NALCN: variants seen among roughly 807,000 people sequenced by gnomAD.
NALCN encodes the protein sodium leak channel, non-selective, also known as sodium leak channel NALCN.
Under a neutral mutation model 225.3 loss-of-function variants are expected in NALCN, and 111 were observed. That is an observed-to-expected ratio of 0.49 (90% CI 0.42 to 0.58). The LOEUF is 0.58. Among genes scored for constraint, NALCN ranks in the 20% least tolerant of loss-of-function variants. NALCN has a pLI of 0.00. For missense variants in NALCN, 1,378 were observed against 2,202.4 expected (o/e 0.63, Z 7.49); for synonymous variants, 764 against 769.0 (o/e 0.99, Z 0.11).
chr13:101,100,806 T>G lies in NALCN; in HGVS notation c.3140A>C (p.Asn1047Thr). Residue 1047 changes from asparagine to threonine, a missense_variant, in exon 27 of 44, where the codon AAT (asparagine) becomes ACT (threonine). Around this residue, in one of 19 missense-constraint regions of NALCN, gnomAD observed 292 missense variants for 409.5 expected, o/e 0.71. Coordinates refer to ENST00000251127, the MANE Select transcript of NALCN (RefSeq NM_052867.4). ...TACCCTTCTAATAATGTTGGGATCA[T>G]TGCACTTGGCCAGTTTTCCAGCAAA... Reference protein sequence around the residue: ...QLFAGKLAKCNDPNIIRREDC... With the variant: ...QLFAGKLAKCTDPNIIRREDC... The G allele has an allele frequency of 6.2e-7, 1 of 1,610,328 alleles. No individual in the cohort carries two copies. The highest frequency in any genetic ancestry group is 1.1e-5 in the South Asian group (1 of 90,362).
rs916537184 is a variant in NALCN, at chr13:101,104,656, A to G, written c.2637-6T>C. The G allele has an allele frequency of 6.2e-7, 1 of 1,613,770 alleles. No homozygotes were observed. The highest frequency in any genetic ancestry group is 8.5e-7 in the Non-Finnish European group (1 of 1,179,806). ...TGACCAATCCCAGCAAATCACTGCC[A>G]AAGACCAAACAAAATTGAGAAACAT... On this transcript the variant is annotated splice_polypyrimidine_tract_variant and splice_region_variant and intron_variant, in intron 23 of 43. Transcript: ENST00000251127. This position sits in a 1 kb window ranked among gnomAD's most constrained non-coding sequence, Gnocchi z 4.2.
intron 36 of NALCN, 106 bp from the exon 37 acceptor site, chr13:101,073,783 G>T: frequency 1.1e-6 from 1 of 879,950 alleles, no homozygotes; most frequent in South Asian, 1.6e-5. Flanking sequence ...AGCAAATTTG[G>T]TTGCTAAGTC....
chr13:101,159,947 T>TA (rs2038081588), intron 15 of NALCN, among the ~76,000 whole-genome samples: 3 of 149,332 alleles, frequency 2.0e-5, no homozygotes, highest in South Asian at 2.2e-4. Context: ...TTGTTATTTT[T>TA]TGTTATTTTT....
rs746170124 is a variant in NALCN at position 101,176,424 on chromosome 13, A to G, written c.1765-50T>C. 2.9e-6 allele frequency: 4 copies of G among 1,372,200 alleles called. No individual in the cohort carries two copies. The Admixed American group carries it at 8.7e-5, about 30-fold the overall frequency. The allele number at this position is 1,372,200 out of a possible 1,614,324, so 85.0% of individuals were successfully genotyped here. ...AAAAAACCCACATGCCATAAGTATC[A>G]AAATATTATATGTATAATATAGCTA... On this transcript the variant is annotated intron_variant, in intron 14 of 43. Transcript: ENST00000251127.
intron 18 of NALCN, among the ~76,000 whole-genome samples, chr13:101,119,179 A>T (rs1278374303): frequency 1.3e-5 from 2 of 152,230 alleles, no homozygotes; most frequent in Non-Finnish European, 2.9e-5. Context: ...ACATAATTGC[A>T]GATTAATAAA....
intron 35 of NALCN, among the ~76,000 whole-genome samples, chr13:101,074,889 G>A (rs2033153419): frequency 6.6e-6 from 1 of 152,128 alleles, no homozygotes; most frequent in Non-Finnish European, 1.5e-5. Context: ...ACCAGGCGTT[G>A]GGCGAATTTT....
In NALCN at chr13:101,259,846, T is replaced by C. The variant is rs542165462; in HGVS notation, c.1135-1272A>G. Among the ~76,000 whole-genome samples the C allele has an allele frequency of 4.4e-4, 67 of 151,322 alleles. 2 individuals carry two copies. Among genetic ancestry groups the C allele is most frequent in the African/African-American group, 1.5e-3 (64 of 41,334 alleles). ...CATGCAATGGGGAATAAGCATATCA[T>C]GGAGAATGGGGTATCCTTTGAGTTA... On this transcript the variant is annotated intron_variant, in intron 10 of 43. Transcript: ENST00000251127.
chr13:101,312,367 C>A (rs1345777544), intron 7 of NALCN, among the ~76,000 whole-genome samples: 1 of 152,090 alleles, frequency 6.6e-6, no homozygotes, highest in Non-Finnish European at 1.5e-5. Context: ...TCCTTCAGTT[C>A]TGCTCTGATT....
chr13:101,392,932 C>G (rs914027962), intron 3 of NALCN, among the ~76,000 whole-genome samples: 1 of 152,036 alleles, frequency 6.6e-6, no homozygotes, highest in East Asian at 1.9e-4. Flanking sequence ...AAATAAAATA[C>G]CAAAGCATAA....
rs2139613626 is a variant in NALCN, at chr13:101,104,132, A to ATATT, written c.2889+162_2889+163insAATA. On this transcript the variant is annotated intron_variant, in intron 25 of 43. Coordinates refer to ENST00000251127, the MANE Select transcript of NALCN (RefSeq NM_052867.4). The surrounding 1 kb of genome is among the most constrained non-coding windows in gnomAD (Gnocchi z 4.2). ...TGCTCTTAATTTAGATTTTACATGC[A>ATATT]TGGCCCTTATTTGCATATAATGAAC... 6.6e-6 allele frequency among the ~76,000 whole-genome samples: 1 copy of ATATT among 152,302 alleles called. No homozygotes were observed. Among genetic ancestry groups the ATATT allele is most frequent in the South Asian group, 2.1e-4 (1 of 4,822 alleles).
At chr13:101,169,439 G>A (rs1266321000) in intron 15 of NALCN, among the ~76,000 whole-genome samples, 1 of 152,202 alleles carries the variant, frequency 6.6e-6, no homozygotes, top group African/African-American at 2.4e-5. Flanking sequence ...ATGGTGGTTT[G>A]CTGCATCTAT....
intron 14 of NALCN, among the ~76,000 whole-genome samples, chr13:101,190,709 A>G (rs954776843): frequency 1.1e-4 from 16 of 152,306 alleles, no homozygotes; most frequent in Admixed American, 9.8e-4. Context: ...AGCAAACACA[A>G]CTTCTAAGTT....
chr13:101,387,252 A>AAAAAAAT lies in NALCN; in HGVS notation c.291+7930_291+7931insATTTTTT, dbSNP rs58578868. On this transcript the variant is annotated intron_variant, in intron 3 of 43. Coordinates refer to ENST00000251127, the MANE Select transcript of NALCN (RefSeq NM_052867.4). Reference sequence around the variant, plus strand: ...CAAAAAAAAAAAAAAAAAAAAAAAAAAACAGGTTAGCATTTCGCAAATCAC... The same window carrying AAAAAAAT: ...CAAAAAAAAAAAAAAAAAAAAAAAAAAAAAAATAACAGGTTAGCATTTCGCAAATCAC... Among the ~76,000 whole-genome samples the AAAAAAAT allele has an allele frequency of 3.4e-4, 40 of 116,810 alleles. 5 individuals are homozygous for AAAAAAAT. Among genetic ancestry groups the AAAAAAAT allele is most frequent in the African/African-American group, 1.2e-3 (35 of 28,206 alleles). The allele number at this position is 116,810 out of a possible 152,430, so 76.6% of individuals were successfully genotyped here. A position where few individuals can be genotyped will look rare whatever the true frequency, so the allele number is the denominator to read the frequency against.
intron 16 of NALCN, 24 bp downstream of exon 16, chr13:101,144,736 G>A (rs767892308): frequency 6.3e-7 from 1 of 1,596,230 alleles, no homozygotes; most frequent in Non-Finnish European, 8.5e-7. Flanking sequence ...TGTGAAATAT[G>A]CAATTAAAGA....
intron 7 of NALCN, among the ~76,000 whole-genome samples, chr13:101,334,852 C>A (rs2045325770): frequency 6.6e-6 from 1 of 151,808 alleles, no homozygotes; most frequent in Non-Finnish European, 1.5e-5. Flanking sequence ...TATAACATAC[C>A]ATGAAACTTA....
chr13:101,060,053 C>A, intron 41 of NALCN, 86 bp from the exon 42 acceptor site: 1 of 1,486,484 alleles, frequency 6.7e-7, no homozygotes. Context: ...TTCTTCTCCC[C>A]TCTCCTAAGA....
At chr13:101,402,653 C>G (rs2047506832) in intron 1 of NALCN, among the ~76,000 whole-genome samples, 2 of 152,136 alleles carry the variant, frequency 1.3e-5, no homozygotes, top group South Asian at 4.1e-4. Context: ...TCTACTTAAC[C>G]CCTTAAGTGA....
At chr13:101,247,442 T>C (rs1329228239) in intron 11 of NALCN, among the ~76,000 whole-genome samples, 1 of 151,810 alleles carries the variant, frequency 6.6e-6, no homozygotes, top group African/African-American at 2.4e-5. Context: ...CCTAAGAAAG[T>C]AGAAGTGATC....
At chr13:101,323,874 A>C (rs2044844229) in intron 7 of NALCN, among the ~76,000 whole-genome samples, 1 of 152,198 alleles carries the variant, frequency 6.6e-6, no homozygotes, top group African/African-American at 2.4e-5. Flanking sequence ...TTGGAAAATA[A>C]GGTATTTTTT....
Sources: gnomAD v4.1 joint callset for allele counts (sites outside exome capture counted in the v4.1 genomes callset) on GRCh38, gnomAD v4.1.1 for gene constraint, gnomAD v4.1.1 regional missense constraint, Gnocchi (gnomAD v3.1) non-coding constraint, MANE v1.5 for transcripts, NCBI Gene and HGNC (gene_info 2026-07-23, HGNC 2026-07-21) for gene names.